The following BBS9 variants were observed in gnomAD, a reference collection of about 807,000 sequenced individuals.
BBS9 encodes Bardet-Biedl syndrome 9, also known as protein PTHB1.
In BBS9, 89 loss-of-function variants were observed where a neutral mutation model predicts 117.7. The ratio of observed to expected loss-of-function variants is 0.76; its 90% CI spans 0.64 to 0.90. BBS9 has a LOEUF of 0.90. Among genes scored for constraint, BBS9 ranks in the 40% least tolerant of loss-of-function variants. BBS9 has a pLI of 0.00. For missense variants in BBS9, 982 were observed against 1,042.2 expected, an observed-to-expected ratio of 0.94 and a Z score of 0.80; for synonymous variants, 379 against 370.9, an observed-to-expected ratio of 1.02 and a Z score of -0.25.
chr7:33,605,037 GT>G, intron 22 of BBS9, 62 bp downstream of exon 22: 2 of 1,508,166 alleles, frequency 1.3e-6, no homozygotes, highest in South Asian at 1.1e-5. Flanking sequence ...AATCTGGTCA[GT>G]TTTTGTCATA....
At chr7:33,496,107 G>T (rs1410904353) in intron 19 of BBS9, among the ~76,000 whole-genome samples, 4 of 152,082 alleles carry the variant, frequency 2.6e-5, no homozygotes, top group African/African-American at 4.8e-5. Context: ...TCATTAGGAG[G>T]TCTCTTTTTA....
chr7:33,274,047 TA>T, intron 9 of BBS9, 91 bp downstream of exon 9: 1 of 1,427,262 alleles, frequency 7.0e-7, no homozygotes, highest in East Asian at 2.3e-5. Context: ...GTGATTTTAT[TA>T]AAAAATTACA....
At position 33,475,554 on chromosome 7, in the gene BBS9, C is replaced by G. The variant is rs562334026; in HGVS notation, c.2116-29909C>G. ...TAGGATGTTTCACAGCATCCCTGGC[C>G]TCTACCCACTAGATGCCAGTAGCCA... On this transcript the variant is annotated intron_variant, in intron 19 of 22. Transcript: ENST00000242067. Among the ~76,000 whole-genome samples, 5 of 152,102 alleles carry G rather than the reference C, an allele frequency of 3.3e-5. No homozygotes were observed. In the South Asian group the frequency reaches 1.0e-3, roughly 32 times the overall value.
chr7:33,545,488 G>A (rs950527797), intron 21 of BBS9, among the ~76,000 whole-genome samples: 5 of 152,160 alleles, frequency 3.3e-5, no homozygotes, highest in African/African-American at 1.2e-4. Flanking sequence ...CAGTGGGGGT[G>A]TGTGTTCGGG....
rs546499956 is a variant in BBS9 at position 33,300,677 on chromosome 7, A to G, written c.1016+26721A>G. ...TCAATACTATCCCTGTTCTGTGTGG[A>G]TATAAGAAGGATTCATGAAATAGTA... On this transcript the variant is annotated intron_variant, in intron 9 of 22. Coordinates refer to ENST00000242067, the MANE Select transcript of BBS9 (RefSeq NM_198428.3). Among the ~76,000 whole-genome samples the G allele has an allele frequency of 6.0e-5, 9 of 151,074 alleles. No individual in the cohort carries two copies. In the East Asian group the frequency reaches 1.6e-3, roughly 26 times the overall value.
chr7:33,243,763 T>C (rs1342848939), intron 5 of BBS9, among the ~76,000 whole-genome samples: 1 of 152,196 alleles, frequency 6.6e-6, no homozygotes, highest in Non-Finnish European at 1.5e-5. Flanking sequence ...AAGTTTTGGA[T>C]GGTCTTAAGA....
chr7:33,264,358 C>T lies in BBS9; in HGVS notation c.686C>T (p.Ser229Phe). The T allele has an allele frequency of 6.3e-7, 1 of 1,580,170 alleles. No individual in the cohort carries two copies. Among genetic ancestry groups the T allele is most frequent in the Non-Finnish European group, 8.6e-7 (1 of 1,162,318 alleles). Reference sequence around the variant, plus strand: ...GAGACTGAACAGCAAAAACTTGGTTCTGGAAAAAGACTAGTTGTAAGGCCT... The same window carrying T: ...GAGACTGAACAGCAAAAACTTGGTTTTGGAAAAAGACTAGTTGTAAGGCCT... Reference protein sequence around the residue: ...RQETEQQKLGSGKRLVVDWTL... With the variant: ...RQETEQQKLGFGKRLVVDWTL... Residue 229 changes from serine to phenylalanine, a missense_variant, in exon 7 of 23, where the codon TCT (serine) becomes TTT (phenylalanine). Transcript: ENST00000242067.
intron 9 of BBS9, among the ~76,000 whole-genome samples, chr7:33,282,234 T>G (rs1375994852): frequency 6.6e-6 from 1 of 152,206 alleles, no homozygotes; most frequent in Non-Finnish European, 1.5e-5. Context: ...TAAAATACCT[T>G]TTTATTAAAG....
intron 19 of BBS9, among the ~76,000 whole-genome samples, chr7:33,414,392 T>A (rs993346467): frequency 1.3e-5 from 2 of 152,172 alleles, no homozygotes; most frequent in Non-Finnish European, 2.9e-5. Flanking sequence ...CAAAGCTTTT[T>A]AAAATAATTA....
chr7:33,201,024 G>A (rs568897987), intron 5 of BBS9, among the ~76,000 whole-genome samples: 1 of 152,210 alleles, frequency 6.6e-6, no homozygotes, highest in East Asian at 1.9e-4. Flanking sequence ...GACAGTTAGG[G>A]GATAACTGGC....
chr7:33,489,706 TA>T (rs1337498815), intron 19 of BBS9, among the ~76,000 whole-genome samples: 1 of 152,148 alleles, frequency 6.6e-6, no homozygotes, highest in Non-Finnish European at 1.5e-5. Flanking sequence ...TTAGGGGAAT[TA>T]AAATGATGGC....
rs76586798 is a variant in BBS9 at position 33,284,370 on chromosome 7, A to G, written c.1016+10414A>G. Among the ~76,000 whole-genome samples the G allele has an allele frequency of 1.3e-4, 20 of 152,162 alleles. No individual in the cohort carries two copies. The East Asian group carries it at 3.7e-3, about 28-fold the overall frequency. Reference sequence around the variant, plus strand: ...TTTGATTAGAATTCAAGTCTTTGTCAGTCTTTATTGTTGCTGAGGAGAAAT... The same window carrying G: ...TTTGATTAGAATTCAAGTCTTTGTCGGTCTTTATTGTTGCTGAGGAGAAAT... On this transcript the variant is annotated intron_variant, in intron 9 of 22. Coordinates refer to ENST00000242067, the MANE Select transcript of BBS9 (RefSeq NM_198428.3).
At chr7:33,612,952 C>T (rs1864952096) in intron 21 of BBS9, among the ~76,000 whole-genome samples, 1 of 152,008 alleles carries the variant, frequency 6.6e-6, no homozygotes, top group South Asian at 2.1e-4. Context: ...TTTTTATATG[C>T]ACTAAATAGA....
At chr7:33,252,254 C>T (rs1041020656) in intron 5 of BBS9, among the ~76,000 whole-genome samples, 6 of 152,180 alleles carry the variant, frequency 3.9e-5, no homozygotes, top group Admixed American at 2.6e-4. Context: ...AATTACCTCC[C>T]TCCCTCCAGG....
At chr7:33,503,637 A>G (rs1158601594) in intron 19 of BBS9, among the ~76,000 whole-genome samples, 12 of 152,232 alleles carry the variant, frequency 7.9e-5, no homozygotes, top group Non-Finnish European at 1.8e-4. Flanking sequence ...TCTGGCATTC[A>G]GTGGGTGTTT....
At chr7:33,546,707 G>A (rs1015681554) in intron 21 of BBS9, among the ~76,000 whole-genome samples, 1 of 152,202 alleles carries the variant, frequency 6.6e-6, no homozygotes, top group Admixed American at 6.5e-5. Flanking sequence ...TGGAGAGGCA[G>A]TCTTGACCTG....
chr7:33,351,015 T>A (rs1818553540), intron 13 of BBS9, among the ~76,000 whole-genome samples: 1 of 152,202 alleles, frequency 6.6e-6, no homozygotes, highest in Non-Finnish European at 1.5e-5. Flanking sequence ...TCTTAATCTC[T>A]CTGTATTTCA....
At chr7:33,145,399 T>C (rs4720105) in intron 1 of BBS9, among the ~76,000 whole-genome samples, 24,010 of 152,136 alleles carry the variant, frequency 0.16, 2,068 homozygotes, top group South Asian at 0.21. Flanking sequence ...ATGCTCATTC[T>C]AGATAAGAAA....
At chr7:33,566,716 T>C (rs1011310231) in intron 21 of BBS9, among the ~76,000 whole-genome samples, 1 of 151,032 alleles carries the variant, frequency 6.6e-6, no homozygotes, top group Non-Finnish European at 1.5e-5. Flanking sequence ...ATGTATACAG[T>C]GCATTTTTGC....
Sources: gnomAD v4.1 joint callset for allele counts (sites outside exome capture counted in the v4.1 genomes callset) on GRCh38, gnomAD v4.1.1 for gene constraint, MANE v1.5 for transcripts, NCBI Gene and HGNC (gene_info 2026-07-23, HGNC 2026-07-21) for gene names.